The following ANKS1B variants were observed in gnomAD, a reference collection of about 807,000 sequenced individuals.
ANKS1B encodes the protein ankyrin repeat and sterile alpha motif domain containing 1B.
ANKS1B carries 36 observed loss-of-function variants against 148.3 expected under a neutral mutation model. The observed-to-expected ratio is 0.24, with a 90% CI of 0.19 to 0.32. ANKS1B has a LOEUF of 0.32. Among genes scored for constraint, ANKS1B ranks in the 10% least tolerant of loss-of-function variants. The pLI is 1.00. For missense variants in ANKS1B, 1,157 were observed against 1,542.6 expected (o/e 0.75, Z 4.19); for synonymous variants, 542 against 560.8 (o/e 0.97, Z 0.47).
chr12:99,002,378 C>T (rs2099933508), intron 17 of ANKS1B, among the ~76,000 whole-genome samples: 1 of 151,968 alleles, frequency 6.6e-6, no homozygotes, highest in Non-Finnish European at 1.5e-5. Context: ...GCATAGTTGA[C>T]AAAGATTGTA....
intron 19 of ANKS1B, among the ~76,000 whole-genome samples, chr12:98,816,743 A>G (rs552108444): frequency 2.0e-5 from 3 of 152,292 alleles, no homozygotes; most frequent in Admixed American, 2.0e-4. Context: ...CTTTTAATCA[A>G]CGTTTATGGC....
intron 9 of ANKS1B, among the ~76,000 whole-genome samples, chr12:99,522,671 C>T (rs1403195687): frequency 6.6e-6 from 1 of 151,986 alleles, no homozygotes; most frequent in Non-Finnish European, 1.5e-5. Flanking sequence ...TGTGGATTAG[C>T]AATACTATGA....
At chr12:99,049,779 G>A (rs185808243) in intron 17 of ANKS1B, among the ~76,000 whole-genome samples, 7 of 152,278 alleles carry the variant, frequency 4.6e-5, no homozygotes, top group African/African-American at 1.4e-4. Flanking sequence ...TGGGACACAC[G>A]TGGATATTGC....
chr12:98,806,632 C>T (rs965097327), intron 20 of ANKS1B, among the ~76,000 whole-genome samples: 5 of 152,076 alleles, frequency 3.3e-5, no homozygotes, highest in East Asian at 1.9e-4. Flanking sequence ...AATATGCATA[C>T]GTATATTTGA....
chr12:98,760,781 C>T (rs143845485), intron 25 of ANKS1B, among the ~76,000 whole-genome samples: 114 of 152,292 alleles, frequency 7.5e-4, no homozygotes, highest in African/African-American at 2.6e-3. Context: ...TTTAATGGTC[C>T]AACTTCTGCC....
intron 8 of ANKS1B, among the ~76,000 whole-genome samples, chr12:99,722,631 T>C (rs1011131329): frequency 1.3e-5 from 2 of 152,164 alleles, no homozygotes; most frequent in African/African-American, 2.4e-5. Context: ...AGGAGACTAA[T>C]GTTTTCATGG....
chr12:99,505,542 G>A (rs778713613), intron 9 of ANKS1B, among the ~76,000 whole-genome samples: 6 of 150,516 alleles, frequency 4.0e-5, no homozygotes, highest in Non-Finnish European at 8.9e-5. Flanking sequence ...ATAAGATTTT[G>A]ATTTCCTGTA....
At chr12:99,848,198 TG>T (rs1231554897) in intron 1 of ANKS1B, among the ~76,000 whole-genome samples, 5 of 152,014 alleles carry the variant, frequency 3.3e-5, no homozygotes, top group Non-Finnish European at 7.4e-5. Flanking sequence ...GGAGTAATGC[TG>T]AAGAGAAAAG....
At chr12:99,969,203 G>A (rs1307487334) in intron 1 of ANKS1B, among the ~76,000 whole-genome samples, 1 of 152,064 alleles carries the variant, frequency 6.6e-6, no homozygotes, top group Non-Finnish European at 1.5e-5. Context: ...TTCTGGTTCA[G>A]GTTTTTTTCT....
intron 1 of ANKS1B, among the ~76,000 whole-genome samples, chr12:99,922,590 A>G (rs1489725723): frequency 6.6e-6 from 1 of 152,166 alleles, no homozygotes; most frequent in Non-Finnish European, 1.5e-5. Flanking sequence ...CTGGACATAC[A>G]AAGAAGACAA....
intron 8 of ANKS1B, among the ~76,000 whole-genome samples, chr12:99,734,802 A>G (rs1452528994): frequency 5.3e-5 from 8 of 152,096 alleles, no homozygotes; most frequent in African/African-American, 1.9e-4. Context: ...TATTCTCTCA[A>G]AGGACACTGA....
intron 10 of ANKS1B, among the ~76,000 whole-genome samples, chr12:99,458,591 C>T (rs934490951): frequency 6.6e-6 from 1 of 151,708 alleles, no homozygotes; most frequent in Non-Finnish European, 1.5e-5. Context: ...TACAACCAAT[C>T]CCACAGAAAT....
intron 12 of ANKS1B, among the ~76,000 whole-genome samples, chr12:99,319,799 C>T (rs1247948789): frequency 6.6e-6 from 1 of 152,174 alleles, no homozygotes; most frequent in Admixed American, 6.5e-5. Context: ...ATGGTCTTTA[C>T]AATTTGGCAC....
intron 8 of ANKS1B, among the ~76,000 whole-genome samples, chr12:99,666,895 T>TGGGGGG (rs59723143): frequency 6.9e-6 from 1 of 144,756 alleles, no homozygotes; most frequent in African/African-American, 2.6e-5. Context: ...TGTGTGTGTG[T>TGGGGGG]GGTGAGGACA....
chr12:99,341,326 A>T (rs956509848), intron 12 of ANKS1B: 1 of 152,166 alleles, frequency 6.6e-6, no homozygotes, highest in African/African-American at 2.4e-5. Context: ...AATCAAGCTC[A>T]GATGTTTCAC....
intron 12 of ANKS1B, among the ~76,000 whole-genome samples, chr12:99,289,097 C>CA (rs995081464): frequency 5.3e-5 from 8 of 150,890 alleles, no homozygotes; most frequent in African/African-American, 1.7e-4. Context: ...AAATGAAAGC[C>CA]AAAAAAAGGG....
chr12:99,191,264 A>G (rs990441096), intron 14 of ANKS1B, among the ~76,000 whole-genome samples: 2 of 152,244 alleles, frequency 1.3e-5, no homozygotes, highest in African/African-American at 2.4e-5. Flanking sequence ...AAATGAGTTC[A>G]ACCATTGTGG....
chr12:99,377,477 TAAAAACTTAA>T (rs905603258), intron 12 of ANKS1B, among the ~76,000 whole-genome samples: 3 of 152,076 alleles, frequency 2.0e-5, no homozygotes, highest in Non-Finnish European at 2.9e-5. Context: ...TTCCACAATA[TAAAAACTTAA>T]AAAAATATTC....
intron 10 of ANKS1B, among the ~76,000 whole-genome samples, chr12:99,451,403 T>C (rs752899967): frequency 6.6e-6 from 1 of 152,138 alleles, no homozygotes; most frequent in Non-Finnish European, 1.5e-5. Context: ...AGCTGAAGAA[T>C]AGGACTGAGA....
Sources: allele counts gnomAD v4.1 joint callset (sites outside exome capture counted in the v4.1 genomes callset), GRCh38; gene constraint gnomAD v4.1.1; transcripts MANE v1.5; gene names NCBI Gene and HGNC (gene_info 2026-07-23, HGNC 2026-07-21).